DLG2: variants seen among roughly 807,000 people sequenced by gnomAD.
DLG2 encodes discs large MAGUK scaffold protein 2, also known as disks large homolog 2.
DLG2 carries 45 observed loss-of-function variants against 132.5 expected under a neutral mutation model. The ratio of observed to expected loss-of-function variants is 0.34; its 90% CI spans 0.27 to 0.44. The LOEUF (loss-of-function observed/expected upper bound fraction) is 0.44, where lower values mean the gene tolerates loss of function less well. DLG2 is among the 20% of genes least tolerant of loss of function. DLG2 has a pLI of 1.00. For synonymous variants in DLG2, 424 were observed against 419.6 expected, an observed-to-expected ratio of 1.01 and a Z score of -0.13; for missense variants, 1,045 against 1,196.9, an observed-to-expected ratio of 0.87 and a Z score of 1.87.
chr11:84,070,811 T>C (rs912974230), intron 10 of DLG2, among the ~76,000 whole-genome samples: 2 of 152,210 alleles, frequency 1.3e-5, no homozygotes, highest in African/African-American at 4.8e-5. Flanking sequence ...AATTCTCTTC[T>C]AGCTCTGGTG....
intron 18 of DLG2, among the ~76,000 whole-genome samples, chr11:83,672,911 A>G (rs888686000): frequency 1.3e-5 from 2 of 152,104 alleles, no homozygotes; most frequent in African/African-American, 4.8e-5. Flanking sequence ...AATGCAAAAA[A>G]ATTAGCTGGA....
At chr11:83,877,981 T>TA (rs1398013876) in intron 15 of DLG2, among the ~76,000 whole-genome samples, 1 of 152,190 alleles carries the variant, frequency 6.6e-6, no homozygotes, top group Non-Finnish European at 1.5e-5. Context: ...TTACCATCGC[T>TA]AAGAAATTAC....
chr11:84,507,079 C>G (rs1364216847), intron 7 of DLG2, among the ~76,000 whole-genome samples: 1 of 152,166 alleles, frequency 6.6e-6, no homozygotes, highest in Non-Finnish European at 1.5e-5. Context: ...AGCTTAGCAC[C>G]TCTATTTCTC....
intron 6 of DLG2, among the ~76,000 whole-genome samples, chr11:84,607,465 G>C (rs11824907): frequency 1.3e-5 from 2 of 151,996 alleles, no homozygotes; most frequent in Admixed American, 6.6e-5. Context: ...AAGATTTTTG[G>C]GGGGGCAGGG....
intron 6 of DLG2, among the ~76,000 whole-genome samples, chr11:84,588,362 A>T (rs1481678925): frequency 6.6e-6 from 1 of 152,202 alleles, no homozygotes; most frequent in African/African-American, 2.4e-5. Flanking sequence ...TGCACAATGA[A>T]TCATCATTCT....
chr11:84,307,871 G>A (rs984042581), intron 7 of DLG2, among the ~76,000 whole-genome samples: 2 of 151,940 alleles, frequency 1.3e-5, no homozygotes, highest in Non-Finnish European at 2.9e-5. Flanking sequence ...CCTTCGCGGT[G>A]AGTGTTACAG....
At chr11:85,023,615 A>C (rs2060263048) in intron 6 of DLG2, among the ~76,000 whole-genome samples, 1 of 152,100 alleles carries the variant, frequency 6.6e-6, no homozygotes, top group African/African-American at 2.4e-5. Context: ...AACACACAGA[A>C]GACTTCAGCA....
At chr11:84,311,817 G>A (rs774447868) in intron 7 of DLG2, among the ~76,000 whole-genome samples, 1 of 152,116 alleles carries the variant, frequency 6.6e-6, no homozygotes, top group Non-Finnish European at 1.5e-5. Context: ...TCAATGTTCC[G>A]GGCAAATAGA....
At chr11:83,746,531 A>C (rs1199116713) in intron 18 of DLG2, among the ~76,000 whole-genome samples, 1 of 152,010 alleles carries the variant, frequency 6.6e-6, no homozygotes, top group African/African-American at 2.4e-5. Flanking sequence ...GAACAATGAG[A>C]ACACATGGAC....
intron 14 of DLG2, among the ~76,000 whole-genome samples, chr11:83,950,295 T>C (rs904262408): frequency 3.9e-5 from 6 of 152,184 alleles, no homozygotes; most frequent in Admixed American, 6.5e-5. Flanking sequence ...ATATTGTTTG[T>C]AAAAAATACA....
intron 3 of DLG2, among the ~76,000 whole-genome samples, chr11:85,404,418 C>T (rs1837546626): frequency 6.6e-6 from 1 of 151,852 alleles, no homozygotes; most frequent in Non-Finnish European, 1.5e-5. Context: ...CCACTCTATT[C>T]TATTATTATT....
chr11:84,280,084 C>T (rs965258336), intron 7 of DLG2, among the ~76,000 whole-genome samples: 3 of 152,036 alleles, frequency 2.0e-5, no homozygotes, highest in African/African-American at 7.2e-5. Flanking sequence ...AATAAAGATG[C>T]TTTTATTACA....
intron 6 of DLG2, among the ~76,000 whole-genome samples, chr11:84,834,161 A>T (rs78334654): frequency 0.041 from 6,232 of 151,794 alleles, 196 homozygotes; most frequent in African/African-American, 0.079. Flanking sequence ...CATTTCAAAT[A>T]GCAGTTTTTA....
At chr11:83,684,682 A>G (rs1207642741) in intron 18 of DLG2, among the ~76,000 whole-genome samples, 1 of 152,156 alleles carries the variant, frequency 6.6e-6, no homozygotes, top group African/African-American at 2.4e-5. Context: ...TGTCTGAAGT[A>G]GGTATCCACT....
In DLG2 at chr11:84,631,018, T is replaced by TCA. The variant is rs372331224; in HGVS notation, c.358-96289_358-96288dup. On this transcript the variant is annotated intron_variant, in intron 6 of 27. Coordinates refer to ENST00000376104, the MANE Select transcript of DLG2 (RefSeq NM_001142699.3). Reference sequence around the variant, plus strand: ...CTCTCTCTCTCTCTCTCTCTCTCTCTCACACACACACACACACACACACAC... The same window carrying TCA: ...CTCTCTCTCTCTCTCTCTCTCTCTCTCACACACACACACACACACACACACAC... Among the ~76,000 whole-genome samples the TCA allele has an allele frequency of 5.1e-3, 478 of 94,276 alleles. 9 individuals carry two copies. Among genetic ancestry groups the TCA allele is most frequent in the African/African-American group, 0.016 (340 of 21,918 alleles). 61.8% of individuals were successfully genotyped at this position (94,276 alleles called of 152,430 possible).
intron 18 of DLG2, among the ~76,000 whole-genome samples, chr11:83,774,745 T>C: frequency 6.6e-6 from 1 of 152,154 alleles, no homozygotes; most frequent in East Asian, 1.9e-4. Flanking sequence ...TTGAAGGTTA[T>C]TACACTAGCT....
rs1474675479 is a variant in DLG2, at chr11:83,827,431, CA to C, written c.1722+6182del. 2.6e-5 allele frequency among the ~76,000 whole-genome samples: 4 copies of C among 152,274 alleles called. No homozygotes were observed. In the South Asian group the frequency reaches 8.3e-4, roughly 32 times the overall value. On this transcript the variant is annotated intron_variant, in intron 17 of 27. Transcript: ENST00000376104. ...TGAAATACCCATGTCAGCTGTGACT[CA>C]TTTTTACTCTTTTTAAATCAACAAT... is the stretch of plus-strand genomic sequence containing the variant.
At chr11:83,773,986 T>A (rs1228984599) in intron 18 of DLG2, among the ~76,000 whole-genome samples, 1 of 152,210 alleles carries the variant, frequency 6.6e-6, no homozygotes, top group Admixed American at 6.5e-5. Flanking sequence ...GGTGGTAAGA[T>A]CCTTGCTTCA....
intron 18 of DLG2, among the ~76,000 whole-genome samples, chr11:83,634,440 C>T (rs1302847433): frequency 1.3e-5 from 2 of 152,012 alleles, no homozygotes; most frequent in Non-Finnish European, 2.9e-5. Flanking sequence ...AAAACAATGT[C>T]TTGCTTTAGA....
Sources: gnomAD v4.1 joint callset for allele counts (sites outside exome capture counted in the v4.1 genomes callset) on GRCh38, gnomAD v4.1.1 for gene constraint, MANE v1.5 for transcripts, NCBI Gene and HGNC (gene_info 2026-07-23, HGNC 2026-07-21) for gene names.